The following PCNX2 variants were observed in gnomAD, a reference collection of about 807,000 sequenced individuals.
PCNX2 encodes the protein pecanex-like protein 2.
In PCNX2, 168 loss-of-function variants were observed where a neutral mutation model predicts 223.8. That is an observed-to-expected ratio of 0.75 (90% CI 0.66 to 0.85). The LOEUF (loss-of-function observed/expected upper bound fraction) is 0.85, where lower values mean the gene tolerates loss of function less well. Ranked by LOEUF, PCNX2 falls within the 40% of genes least tolerant of loss-of-function variation. The probability of loss-of-function intolerance (pLI) is 0.00; values close to 1 mark genes in which losing one functional copy is unlikely to be tolerated. For synonymous variants in PCNX2, 1,006 were observed against 1,052.6 expected (o/e 0.96, Z 0.86); for missense variants, 2,507 against 2,675.5 (o/e 0.94, Z 1.39).
intron 17 of PCNX2, among the ~76,000 whole-genome samples, chr1:233,164,605 T>A (rs1678680867): frequency 6.8e-6 from 1 of 148,012 alleles, no homozygotes; most frequent in Admixed American, 6.8e-5. Context: ...CATTTTTGCA[T>A]ATGATATATA....
Position 232,991,408 on chromosome 1 carries a change from G to GAC in PCNX2, c.5792-4869_5792-4868insGT, listed in dbSNP as rs1457370785. Among the ~76,000 whole-genome samples the GAC allele has an allele frequency of 1.3e-5, 2 of 151,980 alleles. No individual in the cohort carries two copies. The highest frequency in any genetic ancestry group is 2.1e-4 in the South Asian group (1 of 4,820). On this transcript the variant is annotated intron_variant, in intron 32 of 33. Transcript: ENST00000258229. The surrounding 1 kb of genome is among the most constrained non-coding windows in gnomAD (Gnocchi z 4.3). ...GAAGGGAGAGAAGGCGTGAGAGAGA[G>GAC]AGCAGACCAGATGGGGGCCTGCGGG...
chr1:233,326,926 A>G, the PCNX2 span, among the ~76,000 whole-genome samples: 1 of 152,170 alleles, frequency 6.6e-6, no homozygotes, highest in Non-Finnish European at 1.5e-5. Flanking sequence ...AGTAAAAATA[A>G]GCAAAGGATT....
At chr1:233,297,683 G>A (rs1047421869), upstream of PCNX2, among the ~76,000 whole-genome samples, 8 of 152,262 alleles carry the variant, frequency 5.3e-5, no homozygotes, top group Middle Eastern at 3.4e-3. Context: ...TGGGAGAAAC[G>A]GAACAGTAGG....
chr1:233,003,887 C>T (rs1460073782), intron 28 of PCNX2, among the ~76,000 whole-genome samples: 1 of 152,116 alleles, frequency 6.6e-6, no homozygotes, highest in East Asian at 1.9e-4. Context: ...TCATTCTCAA[C>T]AAAGTAACAC....
intron 32 of PCNX2, among the ~76,000 whole-genome samples, chr1:232,989,801 A>G (rs1278473701): frequency 1.3e-5 from 2 of 152,258 alleles, no homozygotes; most frequent in Admixed American, 6.5e-5. Context: ...CTTGGCCATT[A>G]GAAGCATTTC....
chr1:233,301,969 T>TA, the PCNX2 span, among the ~76,000 whole-genome samples: 1 of 90,580 alleles, frequency 1.1e-5, no homozygotes, highest in Non-Finnish European at 3.2e-5. Flanking sequence ...TTTTTATATA[T>TA]TTTTTTCTGG....
intron 26 of PCNX2, among the ~76,000 whole-genome samples, chr1:233,018,251 T>C (rs2102822348): frequency 6.6e-6 from 1 of 152,042 alleles, no homozygotes. Context: ...CTTGAACTCC[T>C]GGGCTCAAGC....
At chr1:233,311,071 G>T in the PCNX2 span, among the ~76,000 whole-genome samples, 4 of 152,214 alleles carry the variant, frequency 2.6e-5, no homozygotes, top group Non-Finnish European at 5.9e-5. Context: ...CTGGGTCTCT[G>T]ACTATGAGGA....
chr1:233,218,079 C>A lies in PCNX2; in HGVS notation c.2610G>T (p.Val870=), dbSNP rs942300436. Residue 870 remains valine, a synonymous_variant, in exon 11 of 34, where the codon GTG becomes GTT. Coordinates refer to ENST00000258229, the MANE Select transcript of PCNX2 (RefSeq NM_014801.4). ...LSQGFCKDMW[V]LLFCLVMASC... ...TGGCCATGACGAGGCAGAAGAGGAG[C>A]ACCCACATATCTTTGCAAAAGCCTT... 1.9e-6 allele frequency: 3 copies of A among 1,590,390 alleles called. No homozygotes were observed. The highest frequency in any genetic ancestry group is 2.7e-5 in the African/African-American group (2 of 74,440).
intron 27 of PCNX2, among the ~76,000 whole-genome samples, chr1:233,015,025 G>A (rs1436154369): frequency 6.6e-6 from 1 of 152,168 alleles, no homozygotes. Context: ...GTGGGCTGAT[G>A]ATCTGCTTTT....
chr1:233,146,883 A>G (rs1205868040), intron 19 of PCNX2, among the ~76,000 whole-genome samples: 6 of 152,206 alleles, frequency 3.9e-5, no homozygotes, highest in African/African-American at 1.4e-4. Context: ...ATTTGAGTGG[A>G]GGGACATAAT....
intron 15 of PCNX2, among the ~76,000 whole-genome samples, chr1:233,193,327 C>T (rs1680525687): frequency 6.6e-6 from 1 of 151,912 alleles, no homozygotes; most frequent in Non-Finnish European, 1.5e-5. Flanking sequence ...ATTATGTGAA[C>T]AGAATCAACA....
chr1:233,289,289 A>C, intron 1 of PCNX2: 1 of 980,284 alleles, frequency 1.0e-6, no homozygotes, highest in Non-Finnish European at 1.7e-6. Context: ...GACCACCACC[A>C]ACCTCAATTT....
intron 21 of PCNX2, among the ~76,000 whole-genome samples, chr1:233,098,574 A>G (rs779905726): frequency 6.6e-6 from 1 of 152,094 alleles, no homozygotes; most frequent in Non-Finnish European, 1.5e-5. Flanking sequence ...GCCTTTCAAC[A>G]TGAAGCTCAT....
intron 21 of PCNX2, among the ~76,000 whole-genome samples, chr1:233,104,766 C>A (rs778127637): frequency 1.3e-5 from 2 of 151,896 alleles, no homozygotes; most frequent in African/African-American, 2.4e-5. Context: ...TACTAAAGTA[C>A]AAAAGTAGTC....
intron 19 of PCNX2, among the ~76,000 whole-genome samples, chr1:233,145,902 G>C (rs1677421846): frequency 1.3e-5 from 2 of 152,108 alleles, no homozygotes; most frequent in Admixed American, 6.5e-5. Context: ...GTGTCTGCCA[G>C]ACATTGAGCC....
upstream of PCNX2, among the ~76,000 whole-genome samples, chr1:233,296,355 C>A (rs1406122337): frequency 6.6e-6 from 1 of 152,146 alleles, no homozygotes; most frequent in East Asian, 1.9e-4. Flanking sequence ...AGATAACCAC[C>A]TTCCTGATAA....
In PCNX2 at chr1:233,210,624, T is replaced by C. The variant is rs188199493; in HGVS notation, c.2692-1935A>G. ...TTTCTGAGAACACCTGTTAATAAAATGTCCCTGCTCTTCAATTCCTACTGC... is the reference window on the plus strand; with the variant it reads ...TTTCTGAGAACACCTGTTAATAAAACGTCCCTGCTCTTCAATTCCTACTGC... On this transcript the variant is annotated intron_variant, in intron 12 of 33. Transcript: ENST00000258229. The C allele has an allele frequency of 1.1e-4, 107 of 985,400 alleles. 1 individual carries two copies. The African/African-American group carries it at 1.8e-3, about 16-fold the overall frequency. The allele number at this position is 985,400 out of a possible 1,614,324, so 61.0% of individuals were successfully genotyped here. A position where few individuals can be genotyped will look rare whatever the true frequency, so the allele number is the denominator to read the frequency against.
At chr1:233,024,786 C>T (rs1476725153) in intron 26 of PCNX2, among the ~76,000 whole-genome samples, 1 of 152,184 alleles carries the variant, frequency 6.6e-6, no homozygotes, top group Non-Finnish European at 1.5e-5. Flanking sequence ...TGCAGAGCAT[C>T]TAATTTGACC....
Sources: gnomAD v4.1 joint callset for allele counts (sites outside exome capture counted in the v4.1 genomes callset) on GRCh38, gnomAD v4.1.1 for gene constraint, Gnocchi (gnomAD v3.1) non-coding constraint, MANE v1.5 for transcripts, NCBI Gene and HGNC (gene_info 2026-07-23, HGNC 2026-07-21) for gene names.